The following ASZ1 variants were observed in gnomAD, a reference collection of about 807,000 sequenced individuals.
ASZ1 encodes ankyrin repeat, SAM and basic leucine zipper domain-containing protein 1.
Under a neutral mutation model 61.8 loss-of-function variants are expected in ASZ1, and 67 were observed. The ratio of observed to expected loss-of-function variants is 1.08; its 90% CI spans 0.89 to 1.33. ASZ1 has a LOEUF of 1.33. ASZ1 is among the 40% of genes most tolerant of loss of function. ASZ1 has a pLI of 0.00. For missense variants in ASZ1, 577 were observed against 554.5 expected, an observed-to-expected ratio of 1.04 and a Z score of -0.41; for synonymous variants, 193 against 192.7, an observed-to-expected ratio of 1.00 and a Z score of -0.01.
intron 4 of ASZ1, among the ~76,000 whole-genome samples, chr7:117,410,793 A>T (rs1214336249): frequency 6.6e-6 from 1 of 151,762 alleles, no homozygotes; most frequent in Non-Finnish European, 1.5e-5. Context: ...TGTCATTTCA[A>T]ATTTAGAATT....
intron 8 of ASZ1, among the ~76,000 whole-genome samples, 171 bp downstream of exon 8, chr7:117,381,898 T>A (rs899227043): frequency 1.3e-5 from 2 of 152,182 alleles, no homozygotes; most frequent in African/African-American, 4.8e-5. Context: ...TCTAGAATAA[T>A]ACATTTTTGC....
intron 4 of ASZ1, among the ~76,000 whole-genome samples, chr7:117,401,040 C>G (rs1294475303): frequency 6.6e-6 from 1 of 152,000 alleles, no homozygotes; most frequent in Non-Finnish European, 1.5e-5. Context: ...AATTGTAGAA[C>G]TAAGAAACAA....
intron 4 of ASZ1, among the ~76,000 whole-genome samples, chr7:117,398,120 A>C (rs1796610338): frequency 6.6e-6 from 1 of 152,236 alleles, no homozygotes; most frequent in Non-Finnish European, 1.5e-5. Flanking sequence ...GTTCAGTATT[A>C]TCTGATCTTT....
At chr7:117,426,691 G>A (rs1797223412) in intron 2 of ASZ1, 145 bp downstream of exon 2, 2 of 717,268 alleles carry the variant, frequency 2.8e-6, no homozygotes, top group African/African-American at 1.8e-5. Flanking sequence ...AGGCAGACTG[G>A]ACTCAGTCAA....
At chr7:117,403,572 G>A (rs938694626) in intron 4 of ASZ1, among the ~76,000 whole-genome samples, 1 of 152,126 alleles carries the variant, frequency 6.6e-6, no homozygotes, top group Non-Finnish European at 1.5e-5. Flanking sequence ...GATGTATTTT[G>A]GGACAGGAGC....
At chr7:117,375,977 C>A (rs1796128365) in intron 10 of ASZ1, among the ~76,000 whole-genome samples, 1 of 151,648 alleles carries the variant, frequency 6.6e-6, no homozygotes, top group African/African-American at 2.4e-5. Flanking sequence ...CAGCAGAAAT[C>A]AATGACACTA....
chr7:117,406,780 A>C (rs1052348225), intron 4 of ASZ1, among the ~76,000 whole-genome samples: 1 of 152,062 alleles, frequency 6.6e-6, no homozygotes, highest in African/African-American at 2.4e-5. Context: ...CGATAGATTC[A>C]AAATATATGA....
At chr7:117,412,052 G>A (rs1202791110) in intron 4 of ASZ1, among the ~76,000 whole-genome samples, 3 of 148,460 alleles carry the variant, frequency 2.0e-5, no homozygotes, top group South Asian at 2.1e-4. Flanking sequence ...GTGTGTGTGT[G>A]TGTGTGTGTG....
Position 117,368,717 on chromosome 7 carries a change from A to C in ASZ1, c.1056T>G (p.Ser352Arg). The change falls in exon 11 of 13, where the codon AGT becomes AGG. Residue 352 changes from serine (S) to arginine (R), a missense_variant and splice_region_variant. Physicochemically the swap from Ser to Arg is moderately radical, Grantham distance 110. Transcript: ENST00000284629. Reference sequence around the variant, plus strand: ...GAAGAAAGTTGAGGAACTCATCACCACTAAAGAAAGGAAACAAACAAACAA... The same window carrying C: ...GAAGAAAGTTGAGGAACTCATCACCCCTAAAGAAAGGAAACAAACAAACAA... ...ELSEETKLEI[S>R]GDEFLNFLLK... The C allele has an allele frequency of 6.2e-7, 1 of 1,610,964 alleles. No homozygotes were observed. The highest frequency in any genetic ancestry group is 8.5e-7 in the Non-Finnish European group (1 of 1,179,024).
In ASZ1 at chr7:117,363,469, G is replaced by T; in HGVS notation, c.*127C>A. 1 of 800,658 alleles carries T rather than the reference G, an allele frequency of 1.2e-6. No individual in the cohort carries two copies. The highest frequency in any genetic ancestry group is 1.7e-6 in the Non-Finnish European group (1 of 582,726). 49.6% of individuals were successfully genotyped at this position (800,658 alleles called of 1,614,324 possible). A position where few individuals can be genotyped will look rare whatever the true frequency, so the allele number is the denominator to read the frequency against. ...ACTTTTTAAAAAAAAACTCCACATT[G>T]TCAAAATTTTTCCTATGGAATATTG... On this transcript the variant is annotated 3_prime_UTR_variant, in exon 13 of 13. Coordinates refer to ENST00000284629, the MANE Select transcript of ASZ1 (RefSeq NM_130768.3).
At chr7:117,365,348 G>A (rs1795914145) in intron 12 of ASZ1, among the ~76,000 whole-genome samples, 1 of 152,056 alleles carries the variant, frequency 6.6e-6, no homozygotes, top group Non-Finnish European at 1.5e-5. Context: ...TCTCTTAACA[G>A]GTATGCATTA....
At chr7:117,422,134 G>A in intron 3 of ASZ1, 103 bp downstream of exon 3, 1 of 1,274,936 alleles carries the variant, frequency 7.8e-7, no homozygotes, top group Non-Finnish European at 1.1e-6. Context: ...GAATAGAAAG[G>A]TTACTTCAAA....
intron 4 of ASZ1, among the ~76,000 whole-genome samples, chr7:117,395,573 A>G (rs1364061753): frequency 6.6e-6 from 1 of 152,014 alleles, no homozygotes; most frequent in Non-Finnish European, 1.5e-5. Flanking sequence ...ATTTTTCTTC[A>G]TTTAGACCTT....
intron 4 of ASZ1, among the ~76,000 whole-genome samples, chr7:117,397,923 C>T (rs1483946503): frequency 1.3e-5 from 2 of 152,252 alleles, no homozygotes; most frequent in Admixed American, 1.3e-4. Flanking sequence ...GCGAACTCAC[C>T]TCAGCTATTA....
At chr7:117,412,934 G>GT (rs1796924524) in intron 4 of ASZ1, among the ~76,000 whole-genome samples, 1 of 151,816 alleles carries the variant, frequency 6.6e-6, no homozygotes, top group Non-Finnish European at 1.5e-5. Context: ...GATTTACTAT[G>GT]TCAAGTTTCA....
In ASZ1 at chr7:117,380,254, C is replaced by G. The variant is rs561242106; in HGVS notation, c.946-207G>C. Among the ~76,000 whole-genome samples, 40 of 151,704 alleles carry G rather than the reference C, an allele frequency of 2.6e-4. 1 individual carries two copies. The South Asian group carries it at 8.1e-3, about 31-fold the overall frequency. On this transcript the variant is annotated intron_variant, in intron 9 of 12. Transcript: ENST00000284629. ...ATTAGAATATTGAGATATATAATAACTATAGTCAATTTTTTTGCAATACAT... is the reference window on the plus strand; with the variant it reads ...ATTAGAATATTGAGATATATAATAAGTATAGTCAATTTTTTTGCAATACAT...
rs561117053 is a variant in ASZ1, at chr7:117,414,932, G to A, written c.440+5231C>T. Among the ~76,000 whole-genome samples, 31 of 148,454 alleles carry A rather than the reference G, an allele frequency of 2.1e-4. No homozygotes were observed. The East Asian group carries it at 4.2e-3, about 20-fold the overall frequency. On this transcript the variant is annotated intron_variant, in intron 4 of 12. Coordinates refer to ENST00000284629, the MANE Select transcript of ASZ1 (RefSeq NM_130768.3). ...AGTCTTTGCTATTGTGAACAGTGCC[G>A]CAATAAACATATGTGTGCACATGTC...
intron 10 of ASZ1, among the ~76,000 whole-genome samples, chr7:117,370,284 T>A (rs550652954): frequency 1.3e-5 from 2 of 152,158 alleles, no homozygotes; most frequent in East Asian, 3.9e-4. Flanking sequence ...ATCAAAACTA[T>A]GATCATAAAG....
chr7:117,422,438 T>G (rs1323898805), intron 2 of ASZ1, 79 bp from the exon 3 acceptor site: 2 of 1,447,042 alleles, frequency 1.4e-6, no homozygotes, highest in East Asian at 2.4e-5. Flanking sequence ...CTTAAAGTAC[T>G]GTGTAAAGTG....
Sources: gnomAD v4.1 joint callset for allele counts (sites outside exome capture counted in the v4.1 genomes callset) on GRCh38, gnomAD v4.1.1 for gene constraint, MANE v1.5 for transcripts, NCBI Gene and HGNC (gene_info 2026-07-23, HGNC 2026-07-21) for gene names.